Variants in KLRG2 observed in about 807,000 individuals in gnomAD.
KLRG2 encodes killer cell lectin-like receptor subfamily G member 2.
A neutral mutation model predicts 35.4 loss-of-function variants in KLRG2; 39 were observed. The ratio of observed to expected loss-of-function variants is 1.10; its 90% CI spans 0.85 to 1.44. The LOEUF (loss-of-function observed/expected upper bound fraction) is 1.44. Among genes scored for constraint, KLRG2 ranks in the 40% most tolerant of loss-of-function variants. The pLI, the probability that KLRG2 is intolerant of heterozygous loss-of-function variation, is 0.00. For missense variants in KLRG2, 632 were observed against 570.9 expected, an observed-to-expected ratio of 1.11 and a Z score of -1.09; for synonymous variants, 283 against 265.8, an observed-to-expected ratio of 1.06 and a Z score of -0.63.
chr7:139,449,755 A>G (rs894911205), downstream of KLRG2, among the ~76,000 whole-genome samples: 20 of 128,706 alleles, frequency 1.6e-4, no homozygotes, highest in Non-Finnish European at 2.6e-4. Context: ...GCTGGAGTGC[A>G]GTGGCACGAT....
chr7:139,456,745 C>T (rs1180009776), intron 3 of KLRG2, among the ~76,000 whole-genome samples: 1 of 152,216 alleles, frequency 6.6e-6, no homozygotes, highest in Non-Finnish European at 1.5e-5. Context: ...CCTCAGCCTC[C>T]GAAGTAGCTG....
chr7:139,480,581 G>T (rs1796940078), intron 1 of KLRG2, among the ~76,000 whole-genome samples: 1 of 150,644 alleles, frequency 6.6e-6, no homozygotes, highest in African/African-American at 2.4e-5. Flanking sequence ...GAGTAGCTGG[G>T]GTTACAGGTG....
intron 3 of KLRG2, among the ~76,000 whole-genome samples, chr7:139,473,190 A>C (rs1378192679): frequency 1.3e-5 from 2 of 152,188 alleles, no homozygotes; most frequent in East Asian, 3.8e-4. Context: ...CCGAGGCAGG[A>C]GAATCACTTG....
chr7:139,480,185 C>T lies in KLRG2; in HGVS notation c.820G>A (p.Val274Ile), dbSNP rs1386058218. The T allele has an allele frequency of 2.5e-6, 4 of 1,613,816 alleles. No homozygotes were observed. The African/African-American group carries it at 5.3e-5, about 22-fold the overall frequency. ...AGGACCACAATGACAACCCCAGAGA[C>T]TGCCAGGAGCACAGCCATGAACGCC... is the stretch of plus-strand genomic sequence containing the variant. ...ALAFMAVLLA[V>I]SGVVIVVLAS... Residue 274 changes from valine (V) to isoleucine (I), a missense_variant, in exon 2 of 5, where the codon GTC becomes ATC. Physicochemically the swap from Val to Ile is conservative, Grantham distance 29 (BLOSUM62 3). Transcript: ENST00000340940.
At chr7:139,437,529 T>C in the KLRG2 span, among the ~76,000 whole-genome samples, 1 of 152,084 alleles carries the variant, frequency 6.6e-6, no homozygotes, top group Non-Finnish European at 1.5e-5. Context: ...TGATCTCAGC[T>C]TACTACAACC....
At chr7:139,479,417 C>A (rs1310003113) in intron 3 of KLRG2, among the ~76,000 whole-genome samples, 1 of 152,216 alleles carries the variant, frequency 6.6e-6, no homozygotes, top group African/African-American at 2.4e-5. Context: ...CATGGTGGCA[C>A]ATGCCTGTAG....
At chr7:139,467,103 T>G (rs1463371595) in intron 3 of KLRG2, among the ~76,000 whole-genome samples, 2 of 152,134 alleles carry the variant, frequency 1.3e-5, no homozygotes, top group African/African-American at 2.4e-5. Context: ...TATCGCCCCT[T>G]ACCACAAAAT....
intron 3 of KLRG2, among the ~76,000 whole-genome samples, chr7:139,464,969 G>C (rs139818280): frequency 6.6e-6 from 1 of 152,148 alleles, no homozygotes; most frequent in African/African-American, 2.4e-5. Flanking sequence ...TTACTGGCCC[G>C]GACTTCAATC....
the KLRG2 span, among the ~76,000 whole-genome samples, chr7:139,437,483 G>A: frequency 1.3e-4 from 20 of 150,284 alleles, no homozygotes; most frequent in African/African-American, 4.6e-4. Context: ...TTGAGACAGA[G>A]TCTCGCTCTG....
At chr7:139,460,976 A>T (rs1172406977) in intron 3 of KLRG2, among the ~76,000 whole-genome samples, 1 of 149,516 alleles carries the variant, frequency 6.7e-6, no homozygotes, top group East Asian at 2.0e-4. Flanking sequence ...TGAAAAAAAG[A>T]GGAGGTTGGG....
intron 3 of KLRG2, among the ~76,000 whole-genome samples, chr7:139,472,161 G>A (rs1000800513): frequency 6.6e-6 from 1 of 152,060 alleles, no homozygotes; most frequent in African/African-American, 2.4e-5. Context: ...TTCCAGGTAG[G>A]GACAGTCCAA....
chr7:139,446,762 ACCT>A, the KLRG2 span, among the ~76,000 whole-genome samples: 1 of 149,794 alleles, frequency 6.7e-6, no homozygotes, highest in African/African-American at 2.5e-5. Flanking sequence ...CTGACACCCA[ACCT>A]CCTCCTCCGA....
downstream of KLRG2, among the ~76,000 whole-genome samples, chr7:139,447,933 C>T (rs1434872488): frequency 6.6e-6 from 1 of 152,138 alleles, no homozygotes; most frequent in Non-Finnish European, 1.5e-5. Flanking sequence ...CAGAGTGTGC[C>T]AGCTCCCCAA....
the KLRG2 span, among the ~76,000 whole-genome samples, chr7:139,444,404 A>C: frequency 6.6e-6 from 1 of 152,096 alleles, no homozygotes; most frequent in African/African-American, 2.4e-5. Context: ...CTGGTCTCGA[A>C]CCCCTGAACT....
chr7:139,457,571 G>T lies in KLRG2; in HGVS notation c.1006-3357C>A, dbSNP rs532086099. Among the ~76,000 whole-genome samples, 4 of 152,234 alleles carry T rather than the reference G, an allele frequency of 2.6e-5. No homozygotes were observed. In the East Asian group the frequency reaches 7.7e-4, roughly 29 times the overall value. The stretch of plus-strand genomic sequence containing the variant: ...ACACACTCATCCCATGTCCTCTCGC[G>T]TCTGACATGTGATGGGCAAAGCCTG... On this transcript the variant is annotated intron_variant, in intron 3 of 4. Coordinates refer to ENST00000340940, the MANE Select transcript of KLRG2 (RefSeq NM_198508.4).
intron 3 of KLRG2, among the ~76,000 whole-genome samples, chr7:139,465,993 A>G (rs1203844003): frequency 6.6e-6 from 1 of 152,114 alleles, no homozygotes; most frequent in Non-Finnish European, 1.5e-5. Context: ...CTATTCTGTC[A>G]TCATTTCATA....
At chr7:139,477,120 G>A (rs1796864612) in intron 3 of KLRG2, among the ~76,000 whole-genome samples, 1 of 152,162 alleles carries the variant, frequency 6.6e-6, no homozygotes, top group Admixed American at 6.6e-5. Flanking sequence ...GCCAAGGATT[G>A]CTGGGAATGT....
At chr7:139,477,384 T>A (rs1796869240) in intron 3 of KLRG2, among the ~76,000 whole-genome samples, 1 of 151,906 alleles carries the variant, frequency 6.6e-6, no homozygotes, top group African/African-American at 2.4e-5. Context: ...CACAATGGAG[T>A]ATTATTCAGC....
chr7:139,430,032 C>A, the KLRG2 span, among the ~76,000 whole-genome samples: 1 of 152,206 alleles, frequency 6.6e-6, no homozygotes. Flanking sequence ...CACTCTGAAT[C>A]AGAATCACAA....
Sources: allele counts gnomAD v4.1 joint callset (sites outside exome capture counted in the v4.1 genomes callset), GRCh38; gene constraint gnomAD v4.1.1; transcripts MANE v1.5; gene names NCBI Gene and HGNC (gene_info 2026-07-23, HGNC 2026-07-21).